Variants in PTPRD observed in about 807,000 individuals in gnomAD.
PTPRD encodes protein tyrosine phosphatase receptor type D.
Under a neutral mutation model 214.5 loss-of-function variants are expected in PTPRD, and 34 were observed. That is an observed-to-expected ratio of 0.16 (90% CI 0.12 to 0.21). The LOEUF is 0.21. PTPRD is among the 10% of genes least tolerant of loss of function. The pLI is 1.00. For synonymous variants in PTPRD, 1,128 were observed against 845.7 expected (o/e 1.33, Z -5.79); for missense variants, 2,545 against 2,398.7 (o/e 1.06, Z -1.27).
chr9:9,595,775 G>C (rs1002132134), intron 7 of PTPRD, among the ~76,000 whole-genome samples: 1 of 151,672 alleles, frequency 6.6e-6, no homozygotes, highest in Non-Finnish European at 1.5e-5. Flanking sequence ...TGATACAATG[G>C]ACTTTGAGGA....
intron 10 of PTPRD, among the ~76,000 whole-genome samples, chr9:9,057,475 T>C (rs566450684): frequency 1.3e-5 from 2 of 152,304 alleles, no homozygotes; most frequent in Admixed American, 6.5e-5. Flanking sequence ...TATGTTAAAA[T>C]GGATTTAGAT....
At chr9:9,550,925 TA>T (rs1209559758) in intron 8 of PTPRD, among the ~76,000 whole-genome samples, 1 of 151,882 alleles carries the variant, frequency 6.6e-6, no homozygotes, top group African/African-American at 2.4e-5. Flanking sequence ...ATGGCTAAAA[TA>T]AAAATTAATG....
intron 40 of PTPRD, 49 bp from the exon 41 acceptor site, chr9:8,341,317 T>G (rs770023313): frequency 2.0e-5 from 30 of 1,529,220 alleles, no homozygotes; most frequent in East Asian, 4.5e-5. Context: ...AAGATCATTT[T>G]CACCTACAGT....
At chr9:9,776,671 G>A (rs1007014819) in intron 5 of PTPRD, among the ~76,000 whole-genome samples, 4 of 152,034 alleles carry the variant, frequency 2.6e-5, no homozygotes, top group African/African-American at 9.7e-5. Flanking sequence ...AACCTAATCA[G>A]CCATTACATG....
At chr9:9,377,750 G>T (rs1205001775) in intron 9 of PTPRD, among the ~76,000 whole-genome samples, 1 of 152,120 alleles carries the variant, frequency 6.6e-6, no homozygotes, top group East Asian at 1.9e-4. Context: ...GTGGGTGGTG[G>T]GGGCTCAGGG....
At chr9:10,160,168 CA>C (rs1489206509) in intron 3 of PTPRD, among the ~76,000 whole-genome samples, 6 of 151,364 alleles carry the variant, frequency 4.0e-5, no homozygotes, top group Non-Finnish European at 7.4e-5. Flanking sequence ...AACTGGAAAC[CA>C]AAAAAAGAGG....
At chr9:10,099,202 T>C (rs2098526658) in intron 3 of PTPRD, among the ~76,000 whole-genome samples, 1 of 151,664 alleles carries the variant, frequency 6.6e-6, no homozygotes, top group Admixed American at 6.6e-5. Context: ...GAGCCTGGGG[T>C]CTAAAATCAG....
intron 7 of PTPRD, among the ~76,000 whole-genome samples, chr9:9,703,518 A>G (rs1471725486): frequency 6.6e-6 from 1 of 152,182 alleles, no homozygotes; most frequent in African/African-American, 2.4e-5. Flanking sequence ...GACTTATGGA[A>G]TCGTCATCTG....
intron 14 of PTPRD, among the ~76,000 whole-genome samples, chr9:8,566,429 A>G (rs906992783): frequency 2.6e-5 from 4 of 152,204 alleles, no homozygotes; most frequent in African/African-American, 9.6e-5. Flanking sequence ...TAAGACTAAC[A>G]GCATATCAAA....
intron 5 of PTPRD, among the ~76,000 whole-genome samples, chr9:9,780,164 C>G (rs1009416702): frequency 6.6e-6 from 1 of 151,996 alleles, no homozygotes; most frequent in African/African-American, 2.4e-5. Flanking sequence ...AACAAGAAAG[C>G]CAAATATTGC....
At chr9:10,430,827 C>T (rs566839585) in intron 2 of PTPRD, among the ~76,000 whole-genome samples, 7 of 152,012 alleles carry the variant, frequency 4.6e-5, no homozygotes, top group African/African-American at 1.7e-4. Context: ...CATAAGCCAT[C>T]ATACCCCTTT....
chr9:9,872,861 A>T (rs1384472816), intron 5 of PTPRD, among the ~76,000 whole-genome samples: 2 of 152,130 alleles, frequency 1.3e-5, no homozygotes, highest in African/African-American at 2.4e-5. Context: ...AATATTAATC[A>T]GCTAAGTAGA....
At chr9:9,536,833 A>G (rs1301754391) in intron 8 of PTPRD, among the ~76,000 whole-genome samples, 1 of 152,004 alleles carries the variant, frequency 6.6e-6, no homozygotes, top group African/African-American at 2.4e-5. Context: ...TCAGCCCAGC[A>G]CTCGTTTTCA....
At chr9:9,778,418 A>C (rs1179824949) in intron 5 of PTPRD, among the ~76,000 whole-genome samples, 1 of 152,112 alleles carries the variant, frequency 6.6e-6, no homozygotes, top group African/African-American at 2.4e-5. Context: ...TGTAGCACAG[A>C]AATGTTTGTG....
rs1329800528 is a variant in PTPRD, at chr9:10,281,244, G to C, written c.-545+59719C>G. 2.0e-5 allele frequency among the ~76,000 whole-genome samples: 3 copies of C among 151,992 alleles called. No homozygotes were observed. In the East Asian group the frequency reaches 5.8e-4, roughly 29 times the overall value. On this transcript the variant is annotated intron_variant, in intron 3 of 45. Transcript: ENST00000381196. ...TCCAGGGACTTAAATAAATATTTGAGTGGGAAATGGTGGTTAGTTTAGATG... is the reference window on the plus strand; with the variant it reads ...TCCAGGGACTTAAATAAATATTTGACTGGGAAATGGTGGTTAGTTTAGATG...
intron 11 of PTPRD, among the ~76,000 whole-genome samples, chr9:8,822,040 C>G (rs1566360586): frequency 2.0e-5 from 3 of 152,342 alleles, no homozygotes; most frequent in Non-Finnish European, 2.9e-5. Flanking sequence ...GTTGCCACCA[C>G]TTTGGCAAAC....
At position 10,191,220 on chromosome 9, in the gene PTPRD, A is replaced by G. The variant is rs545139768; in HGVS notation, c.-545+149743T>C. On this transcript the variant is annotated intron_variant, in intron 3 of 45. Transcript: ENST00000381196. The stretch of plus-strand genomic sequence containing the variant: ...AGAATTAACACAAAAAGTTAGGGGT[A>G]AATTAAAATATAATTTTTACCTCTG... Among the ~76,000 whole-genome samples, 24 of 152,260 alleles carry G rather than the reference A, an allele frequency of 1.6e-4. No homozygotes were observed. The South Asian group carries it at 4.8e-3, about 30-fold the overall frequency.
intron 39 of PTPRD, among the ~76,000 whole-genome samples, chr9:8,355,092 G>A (rs983969389): frequency 3.3e-5 from 5 of 152,146 alleles, no homozygotes; most frequent in African/African-American, 9.6e-5. Context: ...TTTGGAGCAT[G>A]GGAGGTGGAT....
At chr9:9,553,240 G>A (rs1288569618) in intron 8 of PTPRD, among the ~76,000 whole-genome samples, 2 of 151,962 alleles carry the variant, frequency 1.3e-5, no homozygotes, top group Non-Finnish European at 2.9e-5. Flanking sequence ...ATGTTTCTGA[G>A]AAATTGTTAT....
Sources: gnomAD v4.1 joint callset for allele counts (sites outside exome capture counted in the v4.1 genomes callset) on GRCh38, gnomAD v4.1.1 for gene constraint, MANE v1.5 for transcripts, NCBI Gene and HGNC (gene_info 2026-07-23, HGNC 2026-07-21) for gene names.